CSNK1G1: variants seen among roughly 807,000 people sequenced by gnomAD.
CSNK1G1 encodes the protein casein kinase I isoform gamma-1.
A neutral mutation model predicts 59.6 loss-of-function variants in CSNK1G1; 22 were observed. That is an observed-to-expected ratio of 0.37 (90% CI 0.26 to 0.53). The LOEUF (loss-of-function observed/expected upper bound fraction) is 0.53, where lower values mean the gene tolerates loss of function less well. Among genes scored for constraint, CSNK1G1 ranks in the 20% least tolerant of loss-of-function variants. The pLI is 0.89. For missense variants in CSNK1G1, 384 were observed against 519.5 expected (o/e 0.74, Z 2.54); for synonymous variants, 179 against 177.1 (o/e 1.01, Z -0.08).
chr15:64,300,348 C>T lies in CSNK1G1; in HGVS notation c.152G>A (p.Gly51Glu). The change falls in exon 2 of 12, where the codon GGA (glycine) becomes GAA (glutamate). Residue 51 changes from glycine to glutamate, a missense_variant. Physicochemically the swap from Gly to Glu is moderately conservative, Grantham distance 98. Around this residue, in one of 3 missense-constraint regions of CSNK1G1, gnomAD observed 3 missense variants for 17.9 expected, o/e 0.17. Transcript: ENST00000303052. ...GPNFRVGKKIGCGNFGELRLG... is the reference protein window; with the variant it reads ...GPNFRVGKKIECGNFGELRLG... Reference sequence around the variant, plus strand: ...TCTGAGCTCTCCGAAGTTCCCACATCCTATCTTCTTGCCAACCCTGAAGTT... The same window carrying T: ...TCTGAGCTCTCCGAAGTTCCCACATTCTATCTTCTTGCCAACCCTGAAGTT... 6.2e-7 allele frequency: 1 copy of T among 1,614,220 alleles called. No homozygotes were observed. The highest frequency in any genetic ancestry group is 8.5e-7 in the Non-Finnish European group (1 of 1,180,036).
intron 1 of CSNK1G1, among the ~76,000 whole-genome samples, chr15:64,329,792 A>G (rs1897025299): frequency 1.6e-5 from 1 of 62,452 alleles, no homozygotes; most frequent in Non-Finnish European, 3.0e-5. Flanking sequence ...ACTAATAAAG[A>G]AAAAAAGAGA....
intron 4 of CSNK1G1, among the ~76,000 whole-genome samples, chr15:64,231,184 G>T (rs538455071): frequency 6.7e-6 from 1 of 148,352 alleles, no homozygotes; most frequent in Admixed American, 6.6e-5. Flanking sequence ...AAAATTAGTT[G>T]AGCGTGTGAT....
At chr15:64,183,317 T>C (rs757319604) in intron 10 of CSNK1G1, among the ~76,000 whole-genome samples, 10 of 152,236 alleles carry the variant, frequency 6.6e-5, no homozygotes, top group Non-Finnish European at 1.0e-4. Context: ...TCTGTATCAA[T>C]GAGCATGTGG....
intron 3 of CSNK1G1, among the ~76,000 whole-genome samples, chr15:64,253,573 G>A (rs563126553): frequency 5.1e-4 from 78 of 152,294 alleles, no homozygotes; most frequent in African/African-American, 1.9e-3. Flanking sequence ...CTGGATAGAT[G>A]CTCCAAAGAA....
intron 2 of CSNK1G1, among the ~76,000 whole-genome samples, chr15:64,262,816 C>T (rs938092584): frequency 7.2e-5 from 11 of 152,124 alleles, no homozygotes; most frequent in African/African-American, 2.7e-4. Flanking sequence ...CAATGGCTCA[C>T]GCCTGTAATC....
chr15:64,340,031 GTTAT>G (rs1429329641), intron 1 of CSNK1G1, among the ~76,000 whole-genome samples: 1 of 152,112 alleles, frequency 6.6e-6, no homozygotes, highest in Non-Finnish European at 1.5e-5. Flanking sequence ...AACCTCAAGA[GTTAT>G]TTAGATGTGT....
At chr15:64,215,257 G>A (rs2140266551) in intron 5 of CSNK1G1, among the ~76,000 whole-genome samples, 1 of 134,346 alleles carries the variant, frequency 7.4e-6, no homozygotes, top group East Asian at 2.1e-4. Flanking sequence ...CTGTCGCCCA[G>A]GCTGGAGTGC....
In CSNK1G1 at chr15:64,188,257, A is replaced by G. The variant is rs1339161823; in HGVS notation, c.1108-7803T>C. On this transcript the variant is annotated intron_variant, in intron 10 of 11. Transcript: ENST00000303052. The surrounding 1 kb of genome is among the most constrained non-coding windows in gnomAD (Gnocchi z 4.2). ...ACCTAGACAGAAAATCTACAGAGAT[A>G]TTCAATTAGCCCTTCCTGTAAGCTT... The G allele has an allele frequency of 7.5e-6, 5 of 662,354 alleles. No homozygotes were observed. In the East Asian group the frequency reaches 1.4e-4, roughly 18 times the overall value. 41.0% of individuals were successfully genotyped at this position (662,354 alleles called of 1,614,324 possible).
At chr15:64,353,519 T>C (rs1031910320) in intron 1 of CSNK1G1, among the ~76,000 whole-genome samples, 4 of 151,886 alleles carry the variant, frequency 2.6e-5, no homozygotes, top group African/African-American at 9.7e-5. Flanking sequence ...TGGTGGCATG[T>C]GCCTGTAATC....
In CSNK1G1 at chr15:64,167,173, T is replaced by G. The variant is rs1305373592; in HGVS notation, c.*4758A>C. The G allele has an allele frequency of 6.6e-6, 1 of 152,196 alleles. No individual in the cohort carries two copies. The highest frequency in any genetic ancestry group is 1.5e-5 in the Non-Finnish European group (1 of 68,030). 9.4% of individuals were successfully genotyped at this position (152,196 alleles called of 1,614,324 possible). A position where few individuals can be genotyped will look rare whatever the true frequency, so the allele number is the denominator to read the frequency against. On this transcript the variant is annotated 3_prime_UTR_variant, in exon 12 of 12. Coordinates refer to ENST00000303052, the MANE Select transcript of CSNK1G1 (RefSeq NM_022048.5). Reference sequence around the variant, plus strand: ...CTGCAAAAGGAGTTAGGAAAAACATTTTTAAGACTGCTTGCTGGACAAAAG... The same window carrying G: ...CTGCAAAAGGAGTTAGGAAAAACATGTTTAAGACTGCTTGCTGGACAAAAG...
At chr15:64,212,468 G>A (rs1388062367) in intron 6 of CSNK1G1, among the ~76,000 whole-genome samples, 6 of 152,062 alleles carry the variant, frequency 3.9e-5, no homozygotes, top group Admixed American at 3.9e-4. Context: ...TAATCCCAGT[G>A]TGTTGGGAGG....
chr15:64,191,684 G>A (rs1252989001), intron 10 of CSNK1G1, among the ~76,000 whole-genome samples: 1 of 152,066 alleles, frequency 6.6e-6, no homozygotes, highest in Non-Finnish European at 1.5e-5. Context: ...ATCTTTTAAA[G>A]ATAAATAGAA....
chr15:64,289,085 C>T (rs916237976), intron 2 of CSNK1G1, among the ~76,000 whole-genome samples: 4 of 151,320 alleles, frequency 2.6e-5, no homozygotes, highest in Non-Finnish European at 4.4e-5. Context: ...TGAGGCAAGG[C>T]ACGAGAATCA....
At chr15:64,323,045 C>G (rs1296348905) in intron 1 of CSNK1G1, among the ~76,000 whole-genome samples, 2 of 151,978 alleles carry the variant, frequency 1.3e-5, no homozygotes, top group African/African-American at 4.8e-5. Context: ...GTCTCAGCCC[C>G]CTGAGTACCT....
intron 6 of CSNK1G1, 87 bp downstream of exon 6, chr15:64,213,803 T>C (rs2082277449): frequency 7.7e-6 from 7 of 903,598 alleles, no homozygotes; most frequent in South Asian, 1.6e-5. Flanking sequence ...AAACCACAAG[T>C]TGTAATGCAC....
intron 6 of CSNK1G1, among the ~76,000 whole-genome samples, chr15:64,209,780 C>T (rs1382844053): frequency 6.6e-6 from 1 of 152,192 alleles, no homozygotes; most frequent in African/African-American, 2.4e-5. Flanking sequence ...AGAGAAACGA[C>T]TCTGCAGTTT....
rs1300840838 is a variant in CSNK1G1, at chr15:64,216,450, T to A, written c.444+112A>T. On this transcript the variant is annotated intron_variant, in intron 5 of 11. Transcript: ENST00000303052. This position sits in a 1 kb window ranked among gnomAD's most constrained non-coding sequence, Gnocchi z 4.6. ...CAGCTTCCCAGAATGCCATCAAGCC[T>A]GTGAGTACTAATTCTTGATGTGTTG... is the stretch of plus-strand genomic sequence containing the variant. 10 of 1,068,322 alleles carry A rather than the reference T, an allele frequency of 9.4e-6. No homozygotes were observed. The highest frequency in any genetic ancestry group is 1.6e-5 in the African/African-American group (1 of 61,836). 66.2% of individuals were successfully genotyped at this position (1,068,322 alleles called of 1,614,324 possible). A position where few individuals can be genotyped will look rare whatever the true frequency, so the allele number is the denominator to read the frequency against.
chr15:64,182,206 G>A (rs923702370), intron 10 of CSNK1G1, among the ~76,000 whole-genome samples: 1 of 151,738 alleles, frequency 6.6e-6, no homozygotes, highest in Non-Finnish European at 1.5e-5. Context: ...TGAGATTACA[G>A]GTATGTGCCA....
At chr15:64,288,289 C>CA (rs1894535432) in intron 2 of CSNK1G1, among the ~76,000 whole-genome samples, 2 of 151,756 alleles carry the variant, frequency 1.3e-5, no homozygotes, top group South Asian at 4.2e-4. Flanking sequence ...ATTATTGAAC[C>CA]AAAAAATATG....
Sources: allele counts gnomAD v4.1 joint callset (sites outside exome capture counted in the v4.1 genomes callset), GRCh38; gene constraint gnomAD v4.1.1; regional missense constraint gnomAD v4.1.1; non-coding constraint Gnocchi (gnomAD v3.1); transcripts MANE v1.5; gene names NCBI Gene and HGNC (gene_info 2026-07-23, HGNC 2026-07-21).